SLA: variants seen among roughly 807,000 people sequenced by gnomAD.
The protein encoded by SLA is Src like adaptor.
Under a neutral mutation model 30.3 loss-of-function variants are expected in SLA, and 16 were observed. That is an observed-to-expected ratio of 0.53 (90% CI 0.36 to 0.80). The LOEUF (loss-of-function observed/expected upper bound fraction) is 0.80. Among genes scored for constraint, SLA ranks in the 30% least tolerant of loss-of-function variants. SLA has a pLI of 0.01. For synonymous variants in SLA, 143 were observed against 137.8 expected (o/e 1.04, Z -0.26); for missense variants, 310 against 345.2 (o/e 0.90, Z 0.81).
intron 3 of SLA, among the ~76,000 whole-genome samples, chr8:133,052,387 A>G (rs1840577331): frequency 1.3e-5 from 2 of 152,356 alleles, no homozygotes; most frequent in South Asian, 4.1e-4. Flanking sequence ...TGGGTGTAAG[A>G]CAGAAACCAA....
At chr8:133,045,394 T>C (rs920343641) in intron 6 of SLA, among the ~76,000 whole-genome samples, 1 of 136,466 alleles carries the variant, frequency 7.3e-6, no homozygotes, top group Non-Finnish European at 1.6e-5. Flanking sequence ...TTGCTTTTTT[T>C]TTTTTTTTTT....
chr8:133,067,337 G>T (rs1843181284), intron 2 of SLA, among the ~76,000 whole-genome samples: 1 of 152,124 alleles, frequency 6.6e-6, no homozygotes, highest in South Asian at 2.1e-4. Context: ...ACACTGCAGA[G>T]GAGGGCTGCG....
intron 2 of SLA, among the ~76,000 whole-genome samples, chr8:133,066,102 T>A (rs1842995307): frequency 6.6e-6 from 1 of 152,036 alleles, no homozygotes. Flanking sequence ...GGCGGGCAGA[T>A]CACGAGGTGA....
intron 1 of SLA, among the ~76,000 whole-genome samples, chr8:133,099,760 C>T (rs1259980324): frequency 1.3e-5 from 2 of 152,172 alleles, no homozygotes; most frequent in African/African-American, 4.8e-5. Flanking sequence ...TCATACCCTA[C>T]CAGCATTCTA....
At position 133,070,020 on chromosome 8, in the gene SLA, AAAAAAAG is replaced by A. The variant is rs1370003347; in HGVS notation, c.-41+4826_-41+4832del. On this transcript the variant is annotated intron_variant, in intron 2 of 8. Coordinates refer to ENST00000338087, the MANE Select transcript of SLA (RefSeq NM_001045556.3). Reference sequence around the variant, plus strand: ...CAGCTCCAAAAAAAAAAAAAAAAAAAAAAAAAGAAAGAAAGAAAGAAAAGAAAAGAAG... The same window carrying A: ...CAGCTCCAAAAAAAAAAAAAAAAAAAAAAGAAAGAAAGAAAAGAAAAGAAG... Among the ~76,000 whole-genome samples, 18 of 95,538 alleles carry A rather than the reference AAAAAAAG, an allele frequency of 1.9e-4. 1 individual carries two copies. Among genetic ancestry groups the A allele is most frequent in the African/African-American group, 4.8e-4 (14 of 29,452 alleles). The allele number at this position is 95,538 out of a possible 152,430, so 62.7% of individuals were successfully genotyped here. A position where few individuals can be genotyped will look rare whatever the true frequency, so the allele number is the denominator to read the frequency against.
At chr8:133,076,829 A>G (rs1393227212) in intron 1 of SLA, 1 of 151,252 alleles carries the variant, frequency 6.6e-6, no homozygotes, top group Non-Finnish European at 1.5e-5. Flanking sequence ...TTTAAAGGGG[A>G]CTACAGAGAC....
At chr8:133,068,791 ATTTC>A (rs1267686068) in intron 2 of SLA, among the ~76,000 whole-genome samples, 1 of 152,220 alleles carries the variant, frequency 6.6e-6, no homozygotes, top group Non-Finnish European at 1.5e-5. Context: ...AAAAGAGCCC[ATTTC>A]TTTCTTTCTA....
chr8:133,055,855 C>T (rs2131281875), intron 3 of SLA, among the ~76,000 whole-genome samples: 1 of 92,710 alleles, frequency 1.1e-5, no homozygotes, highest in African/African-American at 5.0e-5. Flanking sequence ...GCAGCAGCAG[C>T]AGCAGCAGCA....
chr8:133,053,548 C>T (rs1156798464), intron 3 of SLA, among the ~76,000 whole-genome samples: 2 of 152,080 alleles, frequency 1.3e-5, no homozygotes, highest in African/African-American at 2.4e-5. Context: ...TTGCAAAAAA[C>T]GTGTTGAAAT....
intron 7 of SLA, 130 bp from the exon 8 acceptor site, chr8:133,040,260 AG>A: frequency 2.0e-6 from 2 of 999,568 alleles, no homozygotes; most frequent in South Asian, 3.2e-5. Context: ...GAGATTTCAA[AG>A]GGGCATGGTA....
chr8:133,055,495 C>T (rs907120593), intron 3 of SLA, among the ~76,000 whole-genome samples: 2 of 152,070 alleles, frequency 1.3e-5, no homozygotes, highest in African/African-American at 2.4e-5. Flanking sequence ...CACCATGAAC[C>T]AGGCTTGTGA....
intron 2 of SLA, among the ~76,000 whole-genome samples, chr8:133,070,537 C>G (rs1030964116): frequency 2.0e-5 from 3 of 152,090 alleles, no homozygotes; most frequent in African/African-American, 4.8e-5. Context: ...TGCTCAGGGT[C>G]GTACAGCTAG....
chr8:133,086,187 C>T (rs1846531911), intron 1 of SLA, among the ~76,000 whole-genome samples: 1 of 152,122 alleles, frequency 6.6e-6, no homozygotes, highest in African/African-American at 2.4e-5. Flanking sequence ...TAGTGATGGC[C>T]TGCGGCTGGG....
chr8:133,060,305 G>A (rs753315036), intron 2 of SLA, 105 bp from the exon 3 acceptor site: 2 of 1,568,088 alleles, frequency 1.3e-6, no homozygotes, highest in Non-Finnish European at 8.7e-7. Flanking sequence ...CTGGCAGCTT[G>A]CTTCTTGAAA....
intron 8 of SLA, 52 bp from the exon 9 acceptor site, chr8:133,038,789 G>A: frequency 8.1e-7 from 1 of 1,235,126 alleles, no homozygotes; most frequent in African/African-American, 1.5e-5. Flanking sequence ...GAGAGTCATA[G>A]AGAGAGGAGG....
chr8:133,092,722 A>C (rs750345753), intron 1 of SLA, among the ~76,000 whole-genome samples: 3 of 151,970 alleles, frequency 2.0e-5, no homozygotes, highest in Non-Finnish European at 2.9e-5. Context: ...CATGCTCTCT[A>C]CACACCTCTG....
At chr8:133,093,727 C>T (rs1390103041) in intron 1 of SLA, among the ~76,000 whole-genome samples, 1 of 152,032 alleles carries the variant, frequency 6.6e-6, no homozygotes, top group Non-Finnish European at 1.5e-5. Context: ...ATCATCGTAA[C>T]AACAGTGCCA....
In SLA at chr8:133,102,594, G is replaced by A. The variant is rs1217842703; in HGVS notation, c.-360C>T. ...CTGCCTGAGATGTTCTCCATTCGCA[G>A]CAAATGATCTTATTTTCTGAAGTAG... On this transcript the variant is annotated 5_prime_UTR_variant, in exon 1 of 9. Transcript: ENST00000338087. The A allele has an allele frequency of 4.5e-6, 7 of 1,550,078 alleles. No individual in the cohort carries two copies. Among genetic ancestry groups the A allele is most frequent in the East Asian group, 4.9e-5 (2 of 40,924 alleles).
At chr8:133,040,494 T>A (rs1015560619) in intron 7 of SLA, among the ~76,000 whole-genome samples, 16 of 152,310 alleles carry the variant, frequency 1.1e-4, no homozygotes, top group African/African-American at 3.6e-4. Context: ...AAGCAACAAG[T>A]GAGTGCCTGC....
Sources: gnomAD v4.1 joint callset for allele counts (sites outside exome capture counted in the v4.1 genomes callset) on GRCh38, gnomAD v4.1.1 for gene constraint, MANE v1.5 for transcripts, NCBI Gene and HGNC (gene_info 2026-07-23, HGNC 2026-07-21) for gene names.